Variants in GPR173 observed in about 807,000 individuals in gnomAD.
GPR173 encodes probable G protein-coupled receptor 173.
Under a neutral mutation model 13.9 loss-of-function variants are expected in GPR173, and 2 were observed. The ratio of observed to expected loss-of-function variants is 0.14; its 90% CI spans 0.06 to 0.45. The LOEUF (loss-of-function observed/expected upper bound fraction) is 0.45. Ranked by LOEUF, GPR173 falls within the 20% of genes least tolerant of loss-of-function variation. The pLI is 0.98. For synonymous variants in GPR173, 131 were observed against 141.0 expected, an observed-to-expected ratio of 0.93 and a Z score of 0.50; for missense variants, 202 against 340.5, an observed-to-expected ratio of 0.59 and a Z score of 3.20.
rs142466176 is a variant in GPR173, at chrX:53,077,713, G to T, written c.1092G>T (p.Pro364=). 8.3e-7 allele frequency: 1 copy of T among 1,205,704 alleles called. No individual in the cohort carries two copies. The highest frequency in any genetic ancestry group is 1.8e-5 in the African/African-American group (1 of 57,068). ...CCTGCTGGGGCACAGGAGGTGCCCC[G>T]GCTCCCAGAGAACCCTACTGTGTCA... ...HAPCWGTGGA[P]APREPYCVM Residue 364 remains proline (P), a synonymous_variant, in exon 2 of 2, where the codon CCG becomes CCT. Transcript: ENST00000332582.
In GPR173 at chrX:53,077,780, T is replaced by C. The variant is rs368120904; in HGVS notation, c.*37T>C. ...AGGCAGACAGGCAGAGAGAAGGTCA[T>C]GGCCACCGTGATGGGGCCAACAGCA... On this transcript the variant is annotated 3_prime_UTR_variant, in exon 2 of 2. Transcript: ENST00000332582. The C allele has an allele frequency of 1.7e-4, 186 of 1,118,503 alleles. No individual in the cohort carries two copies. Among genetic ancestry groups the C allele is most frequent in the Non-Finnish European group, 2.2e-4 (179 of 821,319 alleles). The allele number at this position is 1,118,503 out of a possible 1,213,427, so 92.2% of individuals were successfully genotyped here.
intron 1 of GPR173, among the ~76,000 whole-genome samples, chrX:53,050,321 C>T (rs1181896753): frequency 1.8e-5 from 2 of 111,863 alleles, no homozygotes; most frequent in African/African-American, 6.5e-5. Flanking sequence ...TGGGACCCAG[C>T]CTCCACCACA....
chrX:53,078,833 G>A lies in GPR173; in HGVS notation c.*1090G>A, dbSNP rs1280929249. ...AACCGATAGCGGTACAAACTCCAAG[G>A]CACTGTGGACTTGAGTCCATTCCTA... On this transcript the variant is annotated 3_prime_UTR_variant, in exon 2 of 2. Coordinates refer to ENST00000332582, the MANE Select transcript of GPR173 (RefSeq NM_018969.6). 4 of 123,219 alleles carry A rather than the reference G, an allele frequency of 3.2e-5. No individual in the cohort carries two copies. The highest frequency in any genetic ancestry group is 1.3e-4 in the African/African-American group (4 of 30,798). 10.2% of individuals were successfully genotyped at this position (123,219 alleles called of 1,213,427 possible).
chrX:53,053,829 T>C (rs782792700), intron 1 of GPR173, among the ~76,000 whole-genome samples: 1 of 113,049 alleles, frequency 8.8e-6, no homozygotes, highest in African/African-American at 3.2e-5. Flanking sequence ...GGGGCTTCTC[T>C]GGCCTTGACC....
At chrX:53,062,374 G>A (rs1215992330) in intron 1 of GPR173, among the ~76,000 whole-genome samples, 1 of 109,850 alleles carries the variant, frequency 9.1e-6, no homozygotes, top group African/African-American at 3.3e-5. Context: ...GACTCCAGGT[G>A]CAATTCATCC....
At position 53,077,710 on chromosome X, in the gene GPR173, C is replaced by T; in HGVS notation, c.1089C>T (p.Ala363=). 1.7e-6 allele frequency: 2 copies of T among 1,209,087 alleles called. No homozygotes were observed. Among genetic ancestry groups the T allele is most frequent in the Non-Finnish European group, 2.2e-6 (2 of 893,872 alleles). ...CCCCCTGCTGGGGCACAGGAGGTGCCCCGGCTCCCAGAGAACCCTACTGTG... is the reference window on the plus strand; with the variant it reads ...CCCCCTGCTGGGGCACAGGAGGTGCTCCGGCTCCCAGAGAACCCTACTGTG... ...THAPCWGTGG[A]PAPREPYCVM Residue 363 remains alanine (A), a synonymous_variant, in exon 2 of 2, where the codon GCC becomes GCT. Coordinates refer to ENST00000332582, the MANE Select transcript of GPR173 (RefSeq NM_018969.6).
intron 1 of GPR173, among the ~76,000 whole-genome samples, chrX:53,073,299 G>A (rs782030326): frequency 2.4e-3 from 264 of 109,359 alleles, no homozygotes; most frequent in Middle Eastern, 4.7e-3. Context: ...CATGCAGAGG[G>A]GAGACTTTTC....
intron 1 of GPR173, among the ~76,000 whole-genome samples, chrX:53,051,456 A>C (rs1366375279): frequency 9.1e-6 from 1 of 110,472 alleles, no homozygotes; most frequent in African/African-American, 3.3e-5. Context: ...TGTGTGGCTG[A>C]GTGTGTAGTC....
In GPR173 at chrX:53,049,058, A is replaced by AGGGGGGGGG. The variant is rs782436092; in HGVS notation, c.-523_-515dup. ...AAGGCGGCGGCCAGCAGGCAGACGG[A>AGGGGGGGGG]GGGGGGGGGTGGGGGGTGGGGGGGG... On this transcript the variant is annotated 5_prime_UTR_variant, in exon 1 of 2. Transcript: ENST00000332582. 1 of 31,077 alleles carries AGGGGGGGGG rather than the reference A, an allele frequency of 3.2e-5. No individual in the cohort carries two copies. The highest frequency in any genetic ancestry group is 7.3e-5 in the Non-Finnish European group (1 of 13,663). 2.6% of individuals were successfully genotyped at this position (31,077 alleles called of 1,213,427 possible).
intron 1 of GPR173, among the ~76,000 whole-genome samples, chrX:53,074,881 G>A (rs1418472989): frequency 9.8e-6 from 1 of 102,281 alleles, no homozygotes; most frequent in Non-Finnish European, 2.0e-5. Flanking sequence ...GGCATTATCT[G>A]TCACCTGGAT....
At position 53,079,728 on chromosome X, in the gene GPR173, GTAA is replaced by G; in HGVS notation, c.*1986_*1988del. 8.3e-6 allele frequency: 1 copy of G among 119,765 alleles called. No individual in the cohort carries two copies. The highest frequency in any genetic ancestry group is 2.9e-4 in the East Asian group (1 of 3,441). 9.9% of individuals were successfully genotyped at this position (119,765 alleles called of 1,213,427 possible). On this transcript the variant is annotated 3_prime_UTR_variant, in exon 2 of 2. Coordinates refer to ENST00000332582, the MANE Select transcript of GPR173 (RefSeq NM_018969.6). ...AAGAAAACTTGCCCGGTGCACACAC[GTAA>G]AATGCCTGTATATGGGGACAGATAC...
At chrX:53,067,816 T>C (rs1222826365) in intron 1 of GPR173, among the ~76,000 whole-genome samples, 1 of 43,270 alleles carries the variant, frequency 2.3e-5, no homozygotes, top group African/African-American at 1.1e-4. Context: ...AGAGCGAGAC[T>C]CCATCTCAAA....
chrX:53,068,763 T>TATGTATAAATAAATAAATAAATAA (rs1932218692), intron 1 of GPR173, among the ~76,000 whole-genome samples: 1 of 96,485 alleles, frequency 1.0e-5, no homozygotes, highest in African/African-American at 4.3e-5. Flanking sequence ...CGAGACCCTG[T>TATGTATAAATAAATAAATAAATAA]ATAAATAAAT....
chrX:53,080,151 G>A lies in GPR173; in HGVS notation c.*2408G>A, dbSNP rs1432779975. 1 of 122,261 alleles carries A rather than the reference G, an allele frequency of 8.2e-6. No homozygotes were observed. The highest frequency in any genetic ancestry group is 3.3e-5 in the African/African-American group (1 of 30,499). 10.1% of individuals were successfully genotyped at this position (122,261 alleles called of 1,213,427 possible). On this transcript the variant is annotated 3_prime_UTR_variant, in exon 2 of 2. Transcript: ENST00000332582. The stretch of plus-strand genomic sequence containing the variant: ...TGCCCCCCACAAAGTAATGGCTTCT[G>A]GAGGGACTGCTCAGTCTGGGATGGG...
At chrX:53,060,027 T>TAC (rs200378942) in intron 1 of GPR173, among the ~76,000 whole-genome samples, 12,528 of 101,202 alleles carry the variant, frequency 0.12, 754 homozygotes, top group South Asian at 0.18. Flanking sequence ...TATATATATA[T>TAC]ATATACACAC....
intron 1 of GPR173, among the ~76,000 whole-genome samples, chrX:53,060,279 A>T (rs1432074442): frequency 1.8e-5 from 2 of 109,396 alleles, no homozygotes; most frequent in Non-Finnish European, 3.8e-5. Context: ...CCAAAAAAAA[A>T]TTTAATTAAA....
intron 1 of GPR173, among the ~76,000 whole-genome samples, chrX:53,066,672 T>G (rs1932188237): frequency 9.7e-6 from 1 of 102,573 alleles, no homozygotes; most frequent in African/African-American, 3.8e-5. Context: ...AAAAAAAAAA[T>G]CTGAAAAATG....
intron 1 of GPR173, among the ~76,000 whole-genome samples, chrX:53,073,979 T>TTATATA (rs1932328926): frequency 3.9e-5 from 1 of 25,469 alleles, no homozygotes; most frequent in African/African-American, 4.6e-4. Flanking sequence ...ATATTTATAT[T>TTATATA]TATATATAAA....
At chrX:53,075,917 C>T (rs782163398) in intron 1 of GPR173, among the ~76,000 whole-genome samples, 2 of 111,552 alleles carry the variant, frequency 1.8e-5, no homozygotes, top group Admixed American at 9.6e-5. Flanking sequence ...TGTGTGTGTG[C>T]GTGCATGTAT....
Sources: allele counts gnomAD v4.1 joint callset (sites outside exome capture counted in the v4.1 genomes callset), GRCh38; gene constraint gnomAD v4.1.1; transcripts MANE v1.5; gene names NCBI Gene and HGNC (gene_info 2026-07-23, HGNC 2026-07-21).